The following HOOK2 variants were observed in gnomAD, a reference collection of about 807,000 sequenced individuals.
The protein encoded by HOOK2 is protein Hook homolog 2.
HOOK2 carries 108 observed loss-of-function variants against 111.9 expected under a neutral mutation model. That is an observed-to-expected ratio of 0.96 (90% CI 0.83 to 1.13). HOOK2 has a LOEUF of 1.13. HOOK2 is among the 50% of genes most tolerant of loss of function. HOOK2 has a pLI of 0.00. For synonymous variants in HOOK2, 405 were observed against 394.3 expected, an observed-to-expected ratio of 1.03 and a Z score of -0.32; for missense variants, 978 against 951.3, an observed-to-expected ratio of 1.03 and a Z score of -0.37.
chr19:12,792,143 A>G, intron 3 of HOOK2: 1 of 1,596,830 alleles, frequency 6.3e-7, no homozygotes, highest in Non-Finnish European at 8.5e-7. Context: ...CAGGGGGCGC[A>G]GGGGGCGGCG....
Position 12,770,968 on chromosome 19 carries a change from T to TCCTG in HOOK2, c.862_865dup (p.Glu289AlafsTer9). ...CATCTCATCCTTCAGGGCCTGTGCC[T>TCCTG]CCTGGGCCAGGCTAGTCAGCGCCTG... On this transcript the variant is annotated frameshift_variant, in exon 10 of 23. Coordinates refer to ENST00000397668, the MANE Select transcript of HOOK2 (RefSeq NM_013312.3). LOFTEE classifies it high-confidence loss of function. 1 of 1,610,062 alleles carries TCCTG rather than the reference T, an allele frequency of 6.2e-7. No homozygotes were observed. Among genetic ancestry groups the TCCTG allele is most frequent in the Non-Finnish European group, 8.5e-7 (1 of 1,178,088 alleles).
At chr19:12,784,337 G>T (rs1301698980) in intron 3 of HOOK2, among the ~76,000 whole-genome samples, 1 of 152,022 alleles carries the variant, frequency 6.6e-6, no homozygotes, top group Non-Finnish European at 1.5e-5. Context: ...CACAGACAGG[G>T]TCAGACATAC....
chr19:12,775,788 G>T (rs1968489913), upstream of HOOK2, among the ~76,000 whole-genome samples: 1 of 152,088 alleles, frequency 6.6e-6, no homozygotes, highest in African/African-American at 2.4e-5. Context: ...TGGGGTGGGA[G>T]GTCCTCAAGA....
intron 14 of HOOK2, 179 bp from the exon 15 acceptor site, chr19:12,766,419 G>A (rs1297412842): frequency 2.8e-6 from 2 of 717,390 alleles, no homozygotes; most frequent in African/African-American, 3.6e-5. Context: ...GGTTAAAGTG[G>A]ACGGAGCTCT....
Position 12,774,908 on chromosome 19 carries a change from A to C in HOOK2, c.46-11T>G, listed in dbSNP as rs766565119. The C allele has an allele frequency of 5.6e-6, 9 of 1,611,970 alleles. No individual in the cohort carries two copies. In the East Asian group the frequency reaches 2.0e-4, roughly 36 times the overall value. On this transcript the variant is annotated splice_polypyrimidine_tract_variant and intron_variant, in intron 1 of 22. Coordinates refer to ENST00000397668, the MANE Select transcript of HOOK2 (RefSeq NM_013312.3). ...GTGGAACGTCTGTAACTGAGGGGTAAAGGAAAGGACAAGGAAAGAGTTAGG... is the reference window on the plus strand; with the variant it reads ...GTGGAACGTCTGTAACTGAGGGGTACAGGAAAGGACAAGGAAAGAGTTAGG...
Position 12,773,063 on chromosome 19 carries a change from C to T in HOOK2, c.205-19G>A. 1.2e-6 allele frequency: 2 copies of T among 1,613,840 alleles called. No individual in the cohort carries two copies. Among genetic ancestry groups the T allele is most frequent in the Non-Finnish European group, 1.7e-6 (2 of 1,179,856 alleles). ...TGCTGACCTAGGGAGGAACAAGGAACTGTGGACAAGTTCAGAGGCCTCCCA... is the reference window on the plus strand; with the variant it reads ...TGCTGACCTAGGGAGGAACAAGGAATTGTGGACAAGTTCAGAGGCCTCCCA... On this transcript the variant is annotated intron_variant, in intron 3 of 22. Coordinates refer to ENST00000397668, the MANE Select transcript of HOOK2 (RefSeq NM_013312.3).
upstream of HOOK2, among the ~76,000 whole-genome samples, chr19:12,776,439 T>C (rs2145783622): frequency 6.6e-6 from 1 of 151,352 alleles, no homozygotes; most frequent in Non-Finnish European, 1.5e-5. Context: ...CCCAGCACTT[T>C]GGGAGGCCGA....
chr19:12,779,403 C>T (rs60433206), upstream of HOOK2, among the ~76,000 whole-genome samples: 20,857 of 152,166 alleles, frequency 0.14, 3,376 homozygotes, highest in African/African-American at 0.39. Context: ...CATGCATCAT[C>T]ACCATGGAGG....
At position 12,791,587 on chromosome 19, in the gene HOOK2, G is replaced by A. The variant is rs905902860; in HGVS notation, n.42-17362C>T. 4 of 517,112 alleles carry A rather than the reference G, an allele frequency of 7.7e-6. No homozygotes were observed. The highest frequency in any genetic ancestry group is 6.7e-6 in the Non-Finnish European group (2 of 296,730). The allele number at this position is 517,112 out of a possible 1,614,324, so 32.0% of individuals were successfully genotyped here. ...TATCGCGCCAGAGAGGGCGACGGGGGCTCGGGAAGCCTGACAGGGCTTTTG... is the reference window on the plus strand; with the variant it reads ...TATCGCGCCAGAGAGGGCGACGGGGACTCGGGAAGCCTGACAGGGCTTTTG... On this transcript the variant is annotated intron_variant and non_coding_transcript_variant, in intron 3 of 3. Transcript: ENST00000589765. This position sits in a 1 kb window ranked among gnomAD's most constrained non-coding sequence, Gnocchi z 7.0.
intron 11 of HOOK2, among the ~76,000 whole-genome samples, chr19:12,768,771 C>G (rs1038431088): frequency 6.6e-6 from 1 of 150,810 alleles, no homozygotes; most frequent in Non-Finnish European, 1.5e-5. Context: ...CCACGCCCAG[C>G]TCTCTTTTTC....
In HOOK2 at chr19:12,770,966, C is replaced by T. The variant is rs534804079; in HGVS notation, c.868G>A (p.Ala290Thr). ...NQALTSLAQE[A>T]QALKDEMDEL... is the part of the protein sequence containing the mutation. Reference sequence around the variant, plus strand: ...TCCATCTCATCCTTCAGGGCCTGTGCCTCCTGGGCCAGGCTAGTCAGCGCC... The same window carrying T: ...TCCATCTCATCCTTCAGGGCCTGTGTCTCCTGGGCCAGGCTAGTCAGCGCC... The change falls in exon 10 of 23, where the codon GCA (alanine) becomes ACA (threonine). Residue 290 changes from alanine to threonine, a missense_variant. Transcript: ENST00000397668. 6 of 1,608,922 alleles carry T rather than the reference C, an allele frequency of 3.7e-6. No individual in the cohort carries two copies. The highest frequency in any genetic ancestry group is 1.1e-5 in the South Asian group (1 of 90,926).
chr19:12,791,764 C>A lies in HOOK2; in HGVS notation n.42-17539G>T. On this transcript the variant is annotated intron_variant and non_coding_transcript_variant, in intron 3 of 3. Coordinates refer to the HOOK2 transcript ENST00000589765. The surrounding 1 kb of genome is among the most constrained non-coding windows in gnomAD (Gnocchi z 7.0). ...AGGGACCCTCCCCAGACCGCCTGGG[C>A]CGCCCGGATGTGCACTAAAATGGAA... The A allele has an allele frequency of 1.9e-6, 3 of 1,592,436 alleles. No homozygotes were observed. The highest frequency in any genetic ancestry group is 1.1e-5 in the South Asian group (1 of 89,494).
rs1265711587 is a variant in HOOK2 at position 12,790,843 on chromosome 19, C to G, written n.42-16618G>C. 6.6e-6 allele frequency among the ~76,000 whole-genome samples: 1 copy of G among 152,176 alleles called. No homozygotes were observed. The highest frequency in any genetic ancestry group is 1.5e-5 in the Non-Finnish European group (1 of 68,028). On this transcript the variant is annotated intron_variant and non_coding_transcript_variant, in intron 3 of 3. Transcript: ENST00000589765. This position sits in a 1 kb window ranked among gnomAD's most constrained non-coding sequence, Gnocchi z 7.2. ...GGAGAGCCTCAGACTCTGGACTCAG[C>G]TCCCATGAGCTCCTGGACCCCTACT...
intron 7 of HOOK2, 138 bp downstream of exon 7, chr19:12,772,052 C>T (rs888865754): frequency 1.4e-6 from 1 of 705,772 alleles, no homozygotes; most frequent in African/African-American, 1.7e-5. Flanking sequence ...CTTAGGCTAC[C>T]CTGAGCATCT....
intron 3 of HOOK2, among the ~76,000 whole-genome samples, chr19:12,789,632 G>A (rs1038106581): frequency 2.6e-5 from 4 of 151,878 alleles, no homozygotes; most frequent in African/African-American, 7.2e-5. Flanking sequence ...CCCAGGCGCC[G>A]GGGGCGCCTC....
rs965715050 is a variant in HOOK2 at position 12,765,919 on chromosome 19, ACACT to A, written c.1599+4_1599+7del. 3.7e-6 allele frequency: 6 copies of A among 1,613,642 alleles called. No individual in the cohort carries two copies. Among genetic ancestry groups the A allele is most frequent in the Admixed American group, 1.7e-5 (1 of 60,012 alleles). Reference sequence around the variant, plus strand: ...GGGCCAGGCTGGGAGGTGGTGGGTGACACTCACATCTTCAGTCTTGCCCCCCTGC... The same window carrying A: ...GGGCCAGGCTGGGAGGTGGTGGGTGACACATCTTCAGTCTTGCCCCCCTGC... On this transcript the variant is annotated splice_donor_5th_base_variant and intron_variant, in intron 16 of 22. Transcript: ENST00000397668.
At chr19:12,783,721 G>A (rs1289981004) in intron 3 of HOOK2, among the ~76,000 whole-genome samples, 1 of 152,146 alleles carries the variant, frequency 6.6e-6, no homozygotes, top group Non-Finnish European at 1.5e-5. Context: ...TTGTTGTGGG[G>A]ATTAGGTGAA....
rs145661259 is a variant in HOOK2 at position 12,771,749 on chromosome 19, G to C, written c.520-272C>G. 300 of 472,476 alleles carry C rather than the reference G, an allele frequency of 6.3e-4. 1 individual carries two copies. Among genetic ancestry groups the C allele is most frequent in the African/African-American group, 4.9e-3 (252 of 51,074 alleles). 29.3% of individuals were successfully genotyped at this position (472,476 alleles called of 1,614,324 possible). ...ACACAAAAATTAGCCGGGTGTGGTGGCGTGTGCCTGTAGTCCTGGCTACTC... is the reference window on the plus strand; with the variant it reads ...ACACAAAAATTAGCCGGGTGTGGTGCCGTGTGCCTGTAGTCCTGGCTACTC... On this transcript the variant is annotated intron_variant, in intron 7 of 22. Transcript: ENST00000397668.
intron 3 of HOOK2, chr19:12,773,322 T>C: frequency 2.4e-6 from 1 of 412,258 alleles, no homozygotes; most frequent in Non-Finnish European, 4.4e-6. Context: ...CAATCTTGGC[T>C]CACTGCAGCC....
Sources: allele counts gnomAD v4.1 joint callset (sites outside exome capture counted in the v4.1 genomes callset), GRCh38; gene constraint gnomAD v4.1.1; non-coding constraint Gnocchi (gnomAD v3.1); transcripts MANE v1.5; gene names NCBI Gene and HGNC (gene_info 2026-07-23, HGNC 2026-07-21).